RMI1: variants seen among roughly 807,000 people sequenced by gnomAD.
RMI1 encodes the protein RecQ mediated genome instability 1.
A neutral mutation model predicts 46.7 loss-of-function variants in RMI1; 36 were observed. That is an observed-to-expected ratio of 0.77 (90% CI 0.59 to 1.02). RMI1 has a LOEUF of 1.02. RMI1 is among the 50% of genes least tolerant of loss of function. RMI1 has a pLI of 0.00. For missense variants in RMI1, 676 were observed against 713.7 expected (o/e 0.95, Z 0.60); for synonymous variants, 250 against 252.9 (o/e 0.99, Z 0.11).
At chr9:83,993,784 A>T (rs991174542) in intron 1 of RMI1, among the ~76,000 whole-genome samples, 23 of 151,158 alleles carry the variant, frequency 1.5e-4, no homozygotes, top group Admixed American at 2.6e-4. Flanking sequence ...ATATCTTTTT[A>T]TTATTATTAT....
intron 1 of RMI1, among the ~76,000 whole-genome samples, chr9:83,982,166 A>G (rs1329748662): frequency 6.6e-6 from 1 of 152,214 alleles, no homozygotes; most frequent in Non-Finnish European, 1.5e-5. Context: ...TGGATTATAG[A>G]GATTTAATCC....
intron 1 of RMI1, among the ~76,000 whole-genome samples, chr9:83,990,870 C>T (rs546169753): frequency 2.6e-5 from 4 of 152,010 alleles, no homozygotes; most frequent in East Asian, 1.9e-4. Flanking sequence ...TGCAATGGTA[C>T]GATCTTGGCT....
chr9:84,003,412 C>G lies in RMI1; in HGVS notation c.*548C>G, dbSNP rs1393604831. ...CTTGTCACGTCACATAAGATGATTGCTAAAATATTGTACTGGTGTTCGGTG... is the reference window on the plus strand; with the variant it reads ...CTTGTCACGTCACATAAGATGATTGGTAAAATATTGTACTGGTGTTCGGTG... On this transcript the variant is annotated 3_prime_UTR_variant, in exon 3 of 3. Coordinates refer to ENST00000445877, the MANE Select transcript of RMI1 (RefSeq NM_001358291.2). 6 of 166,996 alleles carry G rather than the reference C, an allele frequency of 3.6e-5. No homozygotes were observed. The highest frequency in any genetic ancestry group is 2.0e-4 in the Admixed American group (3 of 15,254). The allele number at this position is 166,996 out of a possible 1,614,324, so 10.3% of individuals were successfully genotyped here.
intron 1 of RMI1, chr9:83,992,835 A>G (rs952241259): frequency 6.6e-6 from 1 of 152,116 alleles, no homozygotes; most frequent in Admixed American, 6.5e-5. Context: ...TATTCATGTC[A>G]TTGGCAAATA....
At chr9:83,982,365 A>G (rs535534642) in intron 1 of RMI1, among the ~76,000 whole-genome samples, 14 of 152,186 alleles carry the variant, frequency 9.2e-5, no homozygotes, top group African/African-American at 1.4e-4. Flanking sequence ...AAGCAGCCCT[A>G]TATAAGAACC....
chr9:83,991,384 T>C (rs1564081060), intron 1 of RMI1, among the ~76,000 whole-genome samples: 1 of 152,054 alleles, frequency 6.6e-6, no homozygotes, highest in Non-Finnish European at 1.5e-5. Context: ...GGCACAAACA[T>C]GGCTGACTAC....
chr9:83,982,682 A>C (rs1347214259), intron 1 of RMI1, among the ~76,000 whole-genome samples: 2 of 150,790 alleles, frequency 1.3e-5, no homozygotes, highest in African/African-American at 5.0e-5. Flanking sequence ...ACAAAAACAA[A>C]AACAAAAAAA....
chr9:83,991,811 T>C (rs1957578864), intron 1 of RMI1, among the ~76,000 whole-genome samples: 1 of 152,228 alleles, frequency 6.6e-6, no homozygotes, highest in South Asian at 2.1e-4. Flanking sequence ...GTGTGTCTAT[T>C]TGTAGACTGT....
chr9:83,982,685 C>CA (rs397967393), intron 1 of RMI1, among the ~76,000 whole-genome samples: 3,525 of 143,430 alleles, frequency 0.025, 128 homozygotes, highest in African/African-American at 0.075. Flanking sequence ...AAAACAAAAA[C>CA]AAAAAAAAAA....
intron 1 of RMI1, among the ~76,000 whole-genome samples, chr9:83,990,212 A>G (rs572427758): frequency 5.3e-5 from 8 of 152,278 alleles, no homozygotes; most frequent in Admixed American, 1.3e-4. Flanking sequence ...AGATTGGTCA[A>G]TGGGTGTAAA....
intron 1 of RMI1, among the ~76,000 whole-genome samples, chr9:83,992,429 A>G (rs906322029): frequency 6.6e-6 from 1 of 152,124 alleles, no homozygotes; most frequent in South Asian, 2.1e-4. Flanking sequence ...GCACTTGAGC[A>G]CTGTGCCAGG....
At position 84,002,084 on chromosome 9, in the gene RMI1, C is replaced by T. The variant is rs1220718830; in HGVS notation, c.1098C>T (p.Cys366=). ...CTACGAATAACTTTTCTTTGACTTGCAAAAATGGAAACAATAATTGGAGTG... is the reference window on the plus strand; with the variant it reads ...CTACGAATAACTTTTCTTTGACTTGTAAAAATGGAAACAATAATTGGAGTG... ...PNTTNNFSLT[C]KNGNNNWSEK... Residue 366 remains cysteine (C), a synonymous_variant, in exon 3 of 3, where the codon TGC becomes TGT. Coordinates refer to ENST00000445877, the MANE Select transcript of RMI1 (RefSeq NM_001358291.2). 1.2e-6 allele frequency: 2 copies of T among 1,613,326 alleles called. No individual in the cohort carries two copies. Among genetic ancestry groups the T allele is most frequent in the Non-Finnish European group, 1.7e-6 (2 of 1,179,730 alleles).
At chr9:83,984,828 G>T (rs992190169) in intron 1 of RMI1, among the ~76,000 whole-genome samples, 3 of 152,192 alleles carry the variant, frequency 2.0e-5, no homozygotes, top group Non-Finnish European at 4.4e-5. Context: ...CTCCCAAAGT[G>T]CTGGAATTAC....
Position 83,995,608 on chromosome 9 carries a change from G to T in RMI1, c.-125-4101G>T, listed in dbSNP as rs542127267. Among the ~76,000 whole-genome samples, 6 of 151,570 alleles carry T rather than the reference G, an allele frequency of 4.0e-5. No homozygotes were observed. In the South Asian group the frequency reaches 1.3e-3, roughly 32 times the overall value. ...ACGCCCGGCTAATTTTTGTATTTTT[G>T]GTAGAGACGGGGTTTCACCATATTG... On this transcript the variant is annotated intron_variant, in intron 1 of 2. Transcript: ENST00000445877.
At chr9:83,982,716 T>C (rs1957437079) in intron 1 of RMI1, among the ~76,000 whole-genome samples, 1 of 152,126 alleles carries the variant, frequency 6.6e-6, no homozygotes, top group Non-Finnish European at 1.5e-5. Flanking sequence ...CCCAGTTTCA[T>C]TGTCCAGACT....
At chr9:83,998,909 G>C (rs1005525709) in intron 1 of RMI1, among the ~76,000 whole-genome samples, 1 of 152,196 alleles carries the variant, frequency 6.6e-6, no homozygotes, top group Admixed American at 6.5e-5. Flanking sequence ...GGGAGGCTGA[G>C]GTGGGCAGAT....
chr9:83,989,216 C>T (rs1293897616), intron 1 of RMI1, among the ~76,000 whole-genome samples: 1 of 152,112 alleles, frequency 6.6e-6, no homozygotes, highest in Admixed American at 6.6e-5. Context: ...AAATGTAAGA[C>T]CTGAAACTGT....
chr9:83,982,495 C>G (rs1957429771), intron 1 of RMI1, among the ~76,000 whole-genome samples: 1 of 151,546 alleles, frequency 6.6e-6, no homozygotes, highest in Non-Finnish European at 1.5e-5. Context: ...AACCCCGTCT[C>G]TACTAAAAAG....
At chr9:83,999,188 T>TTA (rs529409330) in intron 1 of RMI1, among the ~76,000 whole-genome samples, 7 of 149,456 alleles carry the variant, frequency 4.7e-5, no homozygotes, top group African/African-American at 7.4e-5. Context: ...TAAAATAAAA[T>TTA]AAAAAAAAAT....
Sources: gnomAD v4.1 joint callset for allele counts (sites outside exome capture counted in the v4.1 genomes callset) on GRCh38, gnomAD v4.1.1 for gene constraint, MANE v1.5 for transcripts, NCBI Gene and HGNC (gene_info 2026-07-23, HGNC 2026-07-21) for gene names.